The following PKHD1L1 variants were observed in gnomAD, a reference collection of about 807,000 sequenced individuals.
PKHD1L1 encodes the protein fibrocystin-L.
A neutral mutation model predicts 462.9 loss-of-function variants in PKHD1L1; 434 were observed. That is an observed-to-expected ratio of 0.94 (90% CI 0.87 to 1.02). The LOEUF (loss-of-function observed/expected upper bound fraction) is 1.02. PKHD1L1 is among the 50% of genes least tolerant of loss of function. PKHD1L1 has a pLI of 0.00. For missense variants in PKHD1L1, 5,202 were observed against 5,096.1 expected (o/e 1.02, Z -0.63); for synonymous variants, 1,781 against 1,750.0 (o/e 1.02, Z -0.44).
At chr8:109,377,037 G>T (rs1424964491) in intron 2 of PKHD1L1, among the ~76,000 whole-genome samples, 3 of 152,192 alleles carry the variant, frequency 2.0e-5, no homozygotes, top group African/African-American at 7.2e-5. Context: ...GAAACCACAA[G>T]TATTCATGTT....
chr8:109,446,590 G>A (rs17368044), intron 38 of PKHD1L1, among the ~76,000 whole-genome samples: 30,757 of 152,016 alleles, frequency 0.2, 3,190 homozygotes, highest in South Asian at 0.27. Flanking sequence ...GTTTGCTGTC[G>A]AAATCTTCTT....
intron 28 of PKHD1L1, among the ~76,000 whole-genome samples, chr8:109,434,125 G>A (rs533483100): frequency 1.4e-4 from 22 of 152,246 alleles, no homozygotes; most frequent in African/African-American, 4.1e-4. Flanking sequence ...GGGAGGGATA[G>A]CATTAGAAGA....
rs1385684486 is a variant in PKHD1L1 at position 109,419,211 on chromosome 8, T to C, written c.2475T>C (p.Tyr825=). Residue 825 remains tyrosine (Y), a synonymous_variant, in exon 22 of 78, where the codon TAT becomes TAC. Coordinates refer to ENST00000378402, the MANE Select transcript of PKHD1L1 (RefSeq NM_177531.6). ...LHKASESQSF[Y]VDVVYIGHTS... is the part of the protein sequence containing the mutation. ...AAGCATCAGAATCACAGTCCTTCTA[T>C]GTGGATGTAGTGTACATTGGACACA... 1 of 1,612,882 alleles carries C rather than the reference T, an allele frequency of 6.2e-7. No homozygotes were observed. Among genetic ancestry groups the C allele is most frequent in the South Asian group, 1.1e-5 (1 of 90,912 alleles).
Position 109,508,385 on chromosome 8 carries a change from T to C in PKHD1L1, c.11395+121T>C. On this transcript the variant is annotated intron_variant, in intron 70 of 77. Coordinates refer to ENST00000378402, the MANE Select transcript of PKHD1L1 (RefSeq NM_177531.6). The stretch of plus-strand genomic sequence containing the variant: ...AGCAAACATCAGGCCTTGTTTGCCT[T>C]CCATTTGTAACAATGAGCAATGCGC... The C allele has an allele frequency of 6.6e-6, 7 of 1,057,576 alleles. No individual in the cohort carries two copies. The South Asian group carries it at 1.1e-4, about 17-fold the overall frequency. 65.5% of individuals were successfully genotyped at this position (1,057,576 alleles called of 1,614,324 possible).
At chr8:109,442,345 G>A (rs1815843598) in intron 35 of PKHD1L1, 150 bp downstream of exon 35, 2 of 739,174 alleles carry the variant, frequency 2.7e-6, no homozygotes, top group South Asian at 2.2e-5. Context: ...CAGTAAAAAT[G>A]TTACTAATGA....
chr8:109,517,507 T>C (rs1216642025), intron 72 of PKHD1L1, among the ~76,000 whole-genome samples: 5 of 152,166 alleles, frequency 3.3e-5, no homozygotes, highest in African/African-American at 1.2e-4. Flanking sequence ...AAATTGTTGA[T>C]ACTCTGCCAT....
chr8:109,478,520 A>G (rs1818113761), intron 53 of PKHD1L1, among the ~76,000 whole-genome samples: 1 of 152,082 alleles, frequency 6.6e-6, no homozygotes, highest in Admixed American at 6.6e-5. Flanking sequence ...GAACACCCTC[A>G]GGGAGGGGTT....
At chr8:109,433,342 TC>T in intron 28 of PKHD1L1, 126 bp downstream of exon 28, 1 of 843,172 alleles carries the variant, frequency 1.2e-6, no homozygotes, top group Non-Finnish European at 1.9e-6. Context: ...ATTATCATGA[TC>T]CCTATGGGGT....
In PKHD1L1 at chr8:109,458,168, C is replaced by T. The variant is rs371672159; in HGVS notation, c.7005-1427C>T. ...TCCTTTGTTTTCTTTCTTTAAACAC[C>T]TATAGTCTAGTTTTCTTCTTCACAA... On this transcript the variant is annotated intron_variant, in intron 46 of 77. Transcript: ENST00000378402. 3.3e-5 allele frequency among the ~76,000 whole-genome samples: 5 copies of T among 151,928 alleles called. No homozygotes were observed. In the East Asian group the frequency reaches 9.6e-4, roughly 29 times the overall value.
In PKHD1L1 at chr8:109,504,393, C is replaced by T. The variant is rs762536589; in HGVS notation, c.10895C>T (p.Pro3632Leu). Residue 3632 changes from proline to leucine, a missense_variant, in exon 68 of 78, where the codon CCT becomes CTT. Physicochemically the swap from Pro to Leu is moderately conservative, Grantham distance 98. Around this residue, in one of 3 missense-constraint regions of PKHD1L1, gnomAD observed 698 missense variants for 736.3 expected, o/e 0.95. Coordinates refer to ENST00000378402, the MANE Select transcript of PKHD1L1 (RefSeq NM_177531.6). ...GETNVIFITN[P>L]LNEDLQHPIH... ...ACTAATGTTATATTCATTACTAACC[C>T]TTTAAATGAGGATTTACAGCATCCA... 1.9e-6 allele frequency: 3 copies of T among 1,552,736 alleles called. No individual in the cohort carries two copies. The highest frequency in any genetic ancestry group is 2.8e-5 in the African/African-American group (2 of 72,438).
chr8:109,505,741 A>T (rs1364232643), intron 68 of PKHD1L1, among the ~76,000 whole-genome samples: 1 of 151,784 alleles, frequency 6.6e-6, no homozygotes, highest in South Asian at 2.1e-4. Flanking sequence ...TCTACAAAAA[A>T]TTAAAAAATA....
rs1011175140 is a variant in PKHD1L1, at chr8:109,531,581, A to C, written c.*1491A>C. On this transcript the variant is annotated 3_prime_UTR_variant, in exon 78 of 78. Coordinates refer to ENST00000378402, the MANE Select transcript of PKHD1L1 (RefSeq NM_177531.6). ...GTTCAGGAGGGCTACCTAGAAGAGCAGTGGAAGAAAACTGGGAGAGGACCA... is the reference window on the plus strand; with the variant it reads ...GTTCAGGAGGGCTACCTAGAAGAGCCGTGGAAGAAAACTGGGAGAGGACCA... Among the ~76,000 whole-genome samples, 1 of 152,184 alleles carries C rather than the reference A, an allele frequency of 6.6e-6. No individual in the cohort carries two copies. The highest frequency in any genetic ancestry group is 2.4e-5 in the African/African-American group (1 of 41,440).
At chr8:109,403,183 C>G (rs1813362164) in intron 14 of PKHD1L1, among the ~76,000 whole-genome samples, 1 of 152,190 alleles carries the variant, frequency 6.6e-6, no homozygotes, top group Admixed American at 6.5e-5. Context: ...ACATACTGTG[C>G]TTACAATGAT....
At chr8:109,451,396 A>C (rs1191182963) in intron 41 of PKHD1L1, among the ~76,000 whole-genome samples, 1 of 152,148 alleles carries the variant, frequency 6.6e-6, no homozygotes, top group Non-Finnish European at 1.5e-5. Flanking sequence ...ACCTCGTTTT[A>C]TGGTTAGAAG....
At chr8:109,396,178 A>G (rs1563735133) in intron 11 of PKHD1L1, 41 bp downstream of exon 11, 1 of 1,348,040 alleles carries the variant, frequency 7.4e-7, no homozygotes, top group African/African-American at 1.5e-5. Flanking sequence ...TATTACCACA[A>G]ATTCTGCCTG....
intron 47 of PKHD1L1, 132 bp from the exon 48 acceptor site, chr8:109,461,640 T>C (rs1817129967): frequency 4.1e-6 from 4 of 971,110 alleles, no homozygotes; most frequent in Non-Finnish European, 6.0e-6. Context: ...ATGATGTGAA[T>C]GCAAATAACT....
Position 109,507,683 on chromosome 8 carries a change from G to T in PKHD1L1, c.11015G>T (p.Cys3672Phe), listed in dbSNP as rs760560399. Residue 3672 changes from cysteine to phenylalanine, a missense_variant, in exon 69 of 78, where the codon TGT (cysteine) becomes TTT (phenylalanine). Physicochemically the swap from Cys to Phe is radical, Grantham distance 205 (BLOSUM62 -2). This residue lies in a region of PKHD1L1 where 698 missense variants were observed against 736.3 expected (regional missense o/e 0.95). Transcript: ENST00000378402. ...CACAGTAAGGTCAATCCATCTGATT[G>T]TGTAGACATGGTTTGTGATGCCAAG... ...PDISKVNPSD[C>F]VDMVCDAKRK... 1 of 1,613,184 alleles carries T rather than the reference G, an allele frequency of 6.2e-7. No individual in the cohort carries two copies. The highest frequency in any genetic ancestry group is 1.1e-5 in the South Asian group (1 of 91,052).
intron 48 of PKHD1L1, among the ~76,000 whole-genome samples, chr8:109,462,603 G>A (rs549061551): frequency 3.3e-5 from 5 of 151,972 alleles, no homozygotes; most frequent in East Asian, 1.9e-4. Flanking sequence ...GTGTAGTGGC[G>A]CAATCTCAGC....
chr8:109,434,292 T>C (rs1815271511), intron 28 of PKHD1L1, among the ~76,000 whole-genome samples: 1 of 151,788 alleles, frequency 6.6e-6, no homozygotes, highest in Non-Finnish European at 1.5e-5. Context: ...ACTCATGAAA[T>C]CCTCAATATC....
Sources: gnomAD v4.1 joint callset for allele counts (sites outside exome capture counted in the v4.1 genomes callset) on GRCh38, gnomAD v4.1.1 for gene constraint, gnomAD v4.1.1 regional missense constraint, MANE v1.5 for transcripts, NCBI Gene and HGNC (gene_info 2026-07-23, HGNC 2026-07-21) for gene names.